CEP126: variants seen among roughly 807,000 people sequenced by gnomAD.
CEP126 encodes centrosomal protein 126.
CEP126 carries 74 observed loss-of-function variants against 107.8 expected under a neutral mutation model. That is an observed-to-expected ratio of 0.69 (90% CI 0.57 to 0.83). The LOEUF (loss-of-function observed/expected upper bound fraction) is 0.83, where lower values mean the gene tolerates loss of function less well. Among genes scored for constraint, CEP126 ranks in the 40% least tolerant of loss-of-function variants. The pLI is 0.00. For missense variants in CEP126, 1,237 were observed against 1,281.9 expected (o/e 0.96, Z 0.53); for synonymous variants, 449 against 446.0 (o/e 1.01, Z -0.08).
At chr11:101,995,069 T>C (rs183393933) in intron 10 of CEP126, among the ~76,000 whole-genome samples, 27 of 152,252 alleles carry the variant, frequency 1.8e-4, no homozygotes, top group Non-Finnish European at 7.4e-5. Flanking sequence ...TTCCCCTCCC[T>C]GTGTCCATGT....
intron 2 of CEP126, among the ~76,000 whole-genome samples, chr11:101,934,310 C>CA: frequency 6.6e-6 from 1 of 152,044 alleles, no homozygotes; most frequent in Non-Finnish European, 1.5e-5. Context: ...AATGGTCTGT[C>CA]ATTTTCTTGA....
intron 3 of CEP126, among the ~76,000 whole-genome samples, chr11:101,945,326 T>G (rs1940720153): frequency 1.3e-5 from 2 of 152,132 alleles, no homozygotes; most frequent in Middle Eastern, 6.3e-3. Flanking sequence ...AATTATGTAT[T>G]TCAGTGTATC....
chr11:101,996,418 C>T (rs1941442497), intron 10 of CEP126, among the ~76,000 whole-genome samples: 1 of 152,130 alleles, frequency 6.6e-6, no homozygotes, highest in Admixed American at 6.5e-5. Flanking sequence ...TATCCCTTGC[C>T]CCATATACTC....
At chr11:101,981,798 T>C (rs1395765451) in intron 7 of CEP126, 91 bp from the exon 8 acceptor site, 16 of 680,256 alleles carry the variant, frequency 2.4e-5, no homozygotes, top group Non-Finnish European at 4.0e-5. Context: ...TAAAAATATA[T>C]ACAGCAATTA....
intron 8 of CEP126, 95 bp downstream of exon 8, chr11:101,982,059 G>A (rs1941261891): frequency 1.3e-5 from 9 of 670,662 alleles, no homozygotes; most frequent in Non-Finnish European, 2.3e-5. Context: ...TTATGTAATT[G>A]TTAAAGCACC....
rs1171985127 is a variant in CEP126 at position 101,948,140 on chromosome 11, G to T, written c.504G>T (p.Trp168Cys). ...TTTCCCGTAGACCAACAATAAACTG[G>T]AGGTAAGTAATTTATGATCATTGTA... ...LPFSRRPTIN[W>C]RAIDSALPSA... Residue 168 changes from tryptophan to cysteine, a missense_variant and splice_region_variant, in exon 4 of 11, where the codon TGG (tryptophan) becomes TGT (cysteine). Physicochemically the swap from Trp to Cys is radical, Grantham distance 215. Coordinates refer to ENST00000263468, the MANE Select transcript of CEP126 (RefSeq NM_020802.4). 3.2e-6 allele frequency: 5 copies of T among 1,544,844 alleles called. No homozygotes were observed. The highest frequency in any genetic ancestry group is 2.7e-6 in the Non-Finnish European group (3 of 1,119,502).
At chr11:101,993,842 A>G (rs1000863204) in intron 10 of CEP126, among the ~76,000 whole-genome samples, 3 of 152,164 alleles carry the variant, frequency 2.0e-5, no homozygotes, top group African/African-American at 7.2e-5. Context: ...TCTTGGTCAC[A>G]TGTGTGTCTT....
chr11:101,952,898 G>C (rs1285779908), intron 4 of CEP126, among the ~76,000 whole-genome samples: 3 of 152,146 alleles, frequency 2.0e-5, no homozygotes, highest in African/African-American at 7.2e-5. Flanking sequence ...AGGCTGTTTG[G>C]CTTCAATTAG....
At chr11:101,918,597 C>A (rs768279513) in intron 1 of CEP126, among the ~76,000 whole-genome samples, 18 of 152,214 alleles carry the variant, frequency 1.2e-4, no homozygotes, top group South Asian at 4.1e-4. Flanking sequence ...TTTTGTATAA[C>A]CCCCTTAGGA....
At chr11:101,990,354 G>A (rs143100141) in intron 9 of CEP126, among the ~76,000 whole-genome samples, 114 of 152,262 alleles carry the variant, frequency 7.5e-4, no homozygotes, top group African/African-American at 2.5e-3. Flanking sequence ...CAGAATAAAG[G>A]CCATCTGGGA....
At chr11:101,935,541 A>G (rs1940565001) in intron 2 of CEP126, among the ~76,000 whole-genome samples, 1 of 152,102 alleles carries the variant, frequency 6.6e-6, no homozygotes, top group Non-Finnish European at 1.5e-5. Context: ...GTTTTTTCAC[A>G]TAAGTTTATT....
intron 2 of CEP126, among the ~76,000 whole-genome samples, chr11:101,930,752 G>A (rs906851996): frequency 3.3e-5 from 5 of 152,212 alleles, no homozygotes; most frequent in African/African-American, 4.8e-5. Context: ...TAGCTAGACA[G>A]AGAAGTTCTC....
At chr11:101,989,961 A>G (rs1297845285) in intron 9 of CEP126, among the ~76,000 whole-genome samples, 2 of 151,614 alleles carry the variant, frequency 1.3e-5, no homozygotes, top group Non-Finnish European at 2.9e-5. Flanking sequence ...CTCCATCTCA[A>G]AAACAAAAAG....
rs150167152 is a variant in CEP126, at chr11:101,984,857, A to G, written c.3035-1975A>G. On this transcript the variant is annotated intron_variant, in intron 8 of 10. Coordinates refer to ENST00000263468, the MANE Select transcript of CEP126 (RefSeq NM_020802.4). Reference sequence around the variant, plus strand: ...CTTCTCACCTAAAAAAATAAAATACAGTGTACAGTAACCATCTGGTCAAAA... The same window carrying G: ...CTTCTCACCTAAAAAAATAAAATACGGTGTACAGTAACCATCTGGTCAAAA... 3.8e-3 allele frequency among the ~76,000 whole-genome samples: 583 copies of G among 152,326 alleles called. 4 individuals carry two copies. The highest frequency in any genetic ancestry group is 0.013 in the African/African-American group (555 of 41,558).
chr11:101,969,005 A>T (rs1242789385), intron 6 of CEP126, among the ~76,000 whole-genome samples: 1 of 151,994 alleles, frequency 6.6e-6, no homozygotes, highest in East Asian at 1.9e-4. Context: ...AATGTTAATT[A>T]TTTGACTTAT....
In CEP126 at chr11:101,920,058, C is replaced by A. The variant is rs199615379; in HGVS notation, c.129-2583C>A. ...TTTTTATAAATCCTTTAAAAGAAAT[C>A]TTTAAGTAAAAATATGTTTGTGAGT... On this transcript the variant is annotated intron_variant, in intron 1 of 10. Transcript: ENST00000263468. 2.0e-5 allele frequency among the ~76,000 whole-genome samples: 3 copies of A among 152,252 alleles called. No individual in the cohort carries two copies. In the East Asian group the frequency reaches 5.8e-4, roughly 29 times the overall value.
At chr11:101,948,403 C>A (rs1653173388) in intron 4 of CEP126, among the ~76,000 whole-genome samples, 1 of 152,108 alleles carries the variant, frequency 6.6e-6, no homozygotes. Flanking sequence ...ACCATCAAAA[C>A]ACTTTTTAAA....
At chr11:101,975,470 T>C (rs1941182566) in intron 6 of CEP126, among the ~76,000 whole-genome samples, 1 of 152,228 alleles carries the variant, frequency 6.6e-6, no homozygotes, top group Admixed American at 6.5e-5. Context: ...AGTTTAGATT[T>C]TAGAGCCCAA....
chr11:101,986,248 G>T (rs914539349), intron 8 of CEP126, among the ~76,000 whole-genome samples: 15 of 152,118 alleles, frequency 9.9e-5, no homozygotes, highest in African/African-American at 3.4e-4. Context: ...CTTCCAAGGT[G>T]CTGGGATTAG....
Sources: allele counts gnomAD v4.1 joint callset (sites outside exome capture counted in the v4.1 genomes callset), GRCh38; gene constraint gnomAD v4.1.1; transcripts MANE v1.5; gene names NCBI Gene and HGNC (gene_info 2026-07-23, HGNC 2026-07-21).